The following ASMT variants were observed in gnomAD, a reference collection of about 807,000 sequenced individuals.
The protein encoded by ASMT is acetylserotonin N-methyltransferase.
Under a neutral mutation model 41.3 loss-of-function variants are expected in ASMT, and 53 were observed. That is an observed-to-expected ratio of 1.28 (90% CI 1.03 to 1.61). The LOEUF (loss-of-function observed/expected upper bound fraction) is 1.61, where lower values mean the gene tolerates loss of function less well. Ranked by LOEUF, ASMT falls within the 40% of genes most tolerant of loss-of-function variation. The probability of loss-of-function intolerance (pLI) is 0.00; values close to 1 mark genes in which losing one functional copy is unlikely to be tolerated. For missense variants in ASMT, 531 were observed against 441.3 expected (o/e 1.20, Z -1.82); for synonymous variants, 231 against 184.8 (o/e 1.25, Z -2.03).
At chrX:1,631,417 C>A (rs7892427) in intron 5 of ASMT, among the ~76,000 whole-genome samples, 4 of 151,392 alleles carry the variant, frequency 2.6e-5, no homozygotes, top group Non-Finnish European at 5.9e-5. Context: ...TCCTCTACCC[C>A]ATAGGGCTGT....
chrX:1,629,235 A>C (rs1201501671), intron 4 of ASMT, among the ~76,000 whole-genome samples: 10 of 152,134 alleles, frequency 6.6e-5, no homozygotes, highest in African/African-American at 2.2e-4. Flanking sequence ...TGACCGTGGT[A>C]CCTAAGAGGC....
intron 7 of ASMT, among the ~76,000 whole-genome samples, chrX:1,634,475 A>G (rs1413923328): frequency 2.0e-5 from 3 of 152,140 alleles, no homozygotes; most frequent in Admixed American, 6.6e-5. Context: ...CAGAGTTCCC[A>G]AGGTGATCCT....
chrX:1,629,807 GT>G lies in ASMT; in HGVS notation c.444-10del. ...GATCCTCACCATCTTGACAAGCGTG[GT>G]TTTGCATGCCAGGTCCGAGGGCGAG... On this transcript the variant is annotated splice_polypyrimidine_tract_variant and intron_variant, in intron 4 of 8. Coordinates refer to ENST00000381241, the MANE Select transcript of ASMT (RefSeq NM_001171038.2). 6.2e-7 allele frequency: 1 copy of G among 1,613,530 alleles called. No individual in the cohort carries two copies. The highest frequency in any genetic ancestry group is 8.5e-7 in the Non-Finnish European group (1 of 1,179,500).
At chrX:1,616,065 G>A (rs1395720026) in intron 1 of ASMT, among the ~76,000 whole-genome samples, 2 of 151,652 alleles carry the variant, frequency 1.3e-5, no homozygotes, top group East Asian at 3.9e-4. Context: ...GTCTCACTCT[G>A]TAACCCAGGC....
rs1440689654 is a variant in ASMT at position 1,623,989 on chromosome X, G to A, written c.245-280G>A. The stretch of plus-strand genomic sequence containing the variant: ...AGACATTCTGTGGAATGTAACGTAC[G>A]TTTCCTCTCGTGGCTCATCTGCCTT... On this transcript the variant is annotated intron_variant, in intron 2 of 8. Coordinates refer to ENST00000381241, the MANE Select transcript of ASMT (RefSeq NM_001171038.2). 2.6e-5 allele frequency among the ~76,000 whole-genome samples: 4 copies of A among 152,048 alleles called. No homozygotes were observed. The East Asian group carries it at 5.8e-4, about 22-fold the overall frequency.
intron 1 of ASMT, among the ~76,000 whole-genome samples, chrX:1,617,684 C>T (rs1226438961): frequency 4.6e-5 from 7 of 151,092 alleles, no homozygotes; most frequent in African/African-American, 1.7e-4. Context: ...GGCGCTATCT[C>T]GGCTCACTGC....
chrX:1,630,749 A>G (rs1934742524), intron 5 of ASMT, among the ~76,000 whole-genome samples: 2 of 151,760 alleles, frequency 1.3e-5, no homozygotes, highest in Admixed American at 1.3e-4. Context: ...GTAGAGCCTG[A>G]GTCTCTCTAC....
At chrX:1,639,351 GGC>G (rs1935071111) in intron 8 of ASMT, among the ~76,000 whole-genome samples, 1 of 1,354 alleles carries the variant, frequency 7.4e-4, no homozygotes, top group Non-Finnish European at 1.2e-3. Flanking sequence ...CCATCCTGAT[GGC>G]ACATGAGGAT....
chrX:1,619,918 C>T (rs1321277163), intron 1 of ASMT, among the ~76,000 whole-genome samples: 2 of 150,054 alleles, frequency 1.3e-5, no homozygotes, highest in Non-Finnish European at 3.0e-5. Context: ...GGTGAAACCC[C>T]GTCTCTACTA....
At chrX:1,635,909 T>G (rs1352804660) in intron 7 of ASMT, among the ~76,000 whole-genome samples, 8 of 150,984 alleles carry the variant, frequency 5.3e-5, no homozygotes, top group Non-Finnish European at 1.2e-4. Flanking sequence ...ATATTATGAT[T>G]TTTTTTTAAA....
chrX:1,630,551 C>A (rs1343445412), intron 5 of ASMT, among the ~76,000 whole-genome samples: 2 of 151,906 alleles, frequency 1.3e-5, no homozygotes, highest in Admixed American at 6.6e-5. Context: ...ATGATCCACC[C>A]GCCTCGGTCT....
At chrX:1,636,690 C>G in intron 8 of ASMT, 130 bp downstream of exon 8, 1 of 1,392,314 alleles carries the variant, frequency 7.2e-7, no homozygotes. Flanking sequence ...TATGGCTTTC[C>G]TTTTAGATAA....
intron 7 of ASMT, among the ~76,000 whole-genome samples, chrX:1,635,066 C>G (rs1435751477): frequency 1.3e-5 from 2 of 149,574 alleles, no homozygotes; most frequent in Non-Finnish European, 3.0e-5. Flanking sequence ...GCTCCACCTC[C>G]CGGGTTCACA....
At chrX:1,616,114 C>T (rs377088128) in intron 1 of ASMT, among the ~76,000 whole-genome samples, 69 of 151,306 alleles carry the variant, frequency 4.6e-4, no homozygotes, top group East Asian at 3.1e-3. Flanking sequence ...CTGCAACCTC[C>T]GCCTCCAGGG....
intron 5 of ASMT, among the ~76,000 whole-genome samples, chrX:1,631,967 T>C (rs1934794581): frequency 6.6e-6 from 1 of 152,126 alleles, no homozygotes; most frequent in Non-Finnish European, 1.5e-5. Context: ...GAGAATCGCT[T>C]GTACCCGGGA....
chrX:1,642,752 AGTCT>A (rs1172654859), intron 8 of ASMT, 47 bp from the exon 9 acceptor site: 3 of 1,563,168 alleles, frequency 1.9e-6, no homozygotes, highest in Admixed American at 3.4e-5. Context: ...ACTTTGGCAC[AGTCT>A]GTCTGTGTGT....
chrX:1,637,297 T>A (rs183307992), intron 8 of ASMT, among the ~76,000 whole-genome samples: 103 of 2,374 alleles, frequency 0.043, 33 homozygotes, highest in Middle Eastern at 0.25. Context: ...TCCTGATGGT[T>A]CATGAGGATG....
intron 7 of ASMT, among the ~76,000 whole-genome samples, chrX:1,635,081 T>G (rs1467251945): frequency 6.7e-6 from 1 of 149,332 alleles, no homozygotes; most frequent in East Asian, 2.0e-4. Flanking sequence ...TTCACACCAT[T>G]CTCCTGCCTC....
intron 7 of ASMT, among the ~76,000 whole-genome samples, chrX:1,635,113 T>G (rs772459422): frequency 2.0e-5 from 3 of 149,982 alleles, no homozygotes; most frequent in African/African-American, 4.9e-5. Flanking sequence ...TAGCTGGGAC[T>G]ACAGGCGCCC....
Sources: gnomAD v4.1 joint callset for allele counts (sites outside exome capture counted in the v4.1 genomes callset) on GRCh38, gnomAD v4.1.1 for gene constraint, MANE v1.5 for transcripts, NCBI Gene and HGNC (gene_info 2026-07-23, HGNC 2026-07-21) for gene names.